CLVS1: variants seen among roughly 807,000 people sequenced by gnomAD.
CLVS1 encodes the protein clavesin-1.
CLVS1 carries 10 observed loss-of-function variants against 33.1 expected under a neutral mutation model. The observed-to-expected ratio is 0.30, with a 90% CI of 0.19 to 0.51. CLVS1 has a LOEUF of 0.51. Ranked by LOEUF, CLVS1 falls within the 20% of genes least tolerant of loss-of-function variation. The probability of loss-of-function intolerance (pLI) is 0.97; values close to 1 mark genes in which losing one functional copy is unlikely to be tolerated. For missense variants in CLVS1, 343 were observed against 433.4 expected, an observed-to-expected ratio of 0.79 and a Z score of 1.85; for synonymous variants, 163 against 166.1, an observed-to-expected ratio of 0.98 and a Z score of 0.14.
intron 1 of CLVS1, among the ~76,000 whole-genome samples, chr8:61,066,386 T>C (rs940622862): frequency 2.6e-5 from 4 of 152,120 alleles, no homozygotes; most frequent in African/African-American, 9.7e-5. Flanking sequence ...TAGTCCTAGC[T>C]ACTTGGAGGG....
At chr8:61,149,012 C>A (rs570781456) in intron 2 of CLVS1, among the ~76,000 whole-genome samples, 5 of 152,138 alleles carry the variant, frequency 3.3e-5, no homozygotes, top group Admixed American at 3.3e-4. Context: ...AAAAGCAGCC[C>A]CTCCCAGGCA....
At chr8:61,110,849 T>C (rs1805612834) in intron 1 of CLVS1, among the ~76,000 whole-genome samples, 1 of 152,240 alleles carries the variant, frequency 6.6e-6, no homozygotes, top group Non-Finnish European at 1.5e-5. Context: ...TCAATGTTCA[T>C]CCATGTTGTA....
chr8:61,396,835 T>A (rs772552164), intron 3 of CLVS1, among the ~76,000 whole-genome samples: 1 of 152,198 alleles, frequency 6.6e-6, no homozygotes, highest in Non-Finnish European at 1.5e-5. Context: ...GCATAATGTT[T>A]TCAAGGTGAT....
At chr8:61,224,894 A>G (rs1225470573) in intron 2 of CLVS1, among the ~76,000 whole-genome samples, 1 of 152,242 alleles carries the variant, frequency 6.6e-6, no homozygotes, top group Non-Finnish European at 1.5e-5. Context: ...TCTCACAATA[A>G]TAATGGGAGA....
intron 3 of CLVS1, among the ~76,000 whole-genome samples, chr8:61,405,528 C>G (rs1328378208): frequency 6.6e-6 from 1 of 152,122 alleles, no homozygotes; most frequent in African/African-American, 2.4e-5. Flanking sequence ...AATCTCAGCA[C>G]TTTGAGAGGC....
chr8:61,250,389 T>G (rs878898783), intron 2 of CLVS1, among the ~76,000 whole-genome samples: 1 of 152,236 alleles, frequency 6.6e-6, no homozygotes, highest in Non-Finnish European at 1.5e-5. Flanking sequence ...TAGGATTATC[T>G]TGGCAATGTG....
intron 1 of CLVS1, among the ~76,000 whole-genome samples, chr8:61,066,652 C>T (rs1355359234): frequency 6.6e-6 from 1 of 152,178 alleles, no homozygotes; most frequent in African/African-American, 2.4e-5. Flanking sequence ...TCCAGAATGC[C>T]CCTGTGGGTC....
upstream of CLVS1, among the ~76,000 whole-genome samples, chr8:61,285,561 TA>T (rs1004054094): frequency 6.6e-6 from 1 of 152,210 alleles, no homozygotes; most frequent in Non-Finnish European, 1.5e-5. Flanking sequence ...GGCCTGCTTA[TA>T]AGCATCTTTT....
intron 5 of CLVS1, among the ~76,000 whole-genome samples, chr8:61,471,842 C>G (rs1817748009): frequency 6.6e-6 from 1 of 152,210 alleles, no homozygotes. Flanking sequence ...AAACTGTTAT[C>G]CCTGTGGTCT....
At chr8:61,005,178 C>A in the CLVS1 span, among the ~76,000 whole-genome samples, 370 of 152,318 alleles carry the variant, frequency 2.4e-3, 2 homozygotes, top group Non-Finnish European at 3.7e-3. Flanking sequence ...GAGTAGATTG[C>A]GGATTGATTC....
intron 5 of CLVS1, among the ~76,000 whole-genome samples, chr8:61,458,874 G>A (rs921806750): frequency 6.6e-6 from 1 of 152,146 alleles, no homozygotes; most frequent in Admixed American, 6.5e-5. Flanking sequence ...AAAACAACCT[G>A]CTAAAAAATG....
chr8:61,021,517 AT>A, the CLVS1 span, among the ~76,000 whole-genome samples: 7,856 of 141,550 alleles, frequency 0.055, 213 homozygotes, highest in African/African-American at 0.094. Context: ...TGACTGGCTA[AT>A]TTTTTTTTTT....
chr8:61,039,661 C>T, the CLVS1 span, among the ~76,000 whole-genome samples: 1 of 152,104 alleles, frequency 6.6e-6, no homozygotes, highest in African/African-American at 2.4e-5. Flanking sequence ...CTGCCTCAGC[C>T]TCCTGAGTAG....
At chr8:61,327,212 T>C (rs951223082) in intron 2 of CLVS1, among the ~76,000 whole-genome samples, 6 of 152,186 alleles carry the variant, frequency 3.9e-5, no homozygotes, top group African/African-American at 1.2e-4. Flanking sequence ...TACATATATA[T>C]TGCAATACAT....
chr8:61,335,293 C>G (rs926602760), intron 2 of CLVS1, among the ~76,000 whole-genome samples: 1 of 152,200 alleles, frequency 6.6e-6, no homozygotes, highest in African/African-American at 2.4e-5. Context: ...AGAAGGAGGA[C>G]TGCTTTGGGA....
intron 1 of CLVS1, among the ~76,000 whole-genome samples, chr8:61,084,400 C>T (rs1000943623): frequency 5.3e-5 from 8 of 152,092 alleles, no homozygotes; most frequent in East Asian, 1.9e-4. Context: ...CCTCCCCTCC[C>T]GTGTTGTCCT....
At chr8:61,267,438 C>T (rs1809333613) in intron 2 of CLVS1, among the ~76,000 whole-genome samples, 1 of 152,142 alleles carries the variant, frequency 6.6e-6, no homozygotes, top group East Asian at 1.9e-4. Flanking sequence ...CCAATACATA[C>T]ACACATCTAT....
At chr8:60,991,912 A>G in the CLVS1 span, among the ~76,000 whole-genome samples, 4 of 151,684 alleles carry the variant, frequency 2.6e-5, no homozygotes, top group Non-Finnish European at 4.4e-5. Context: ...GCACCCAGCT[A>G]ATTTTTGTAT....
the CLVS1 span, among the ~76,000 whole-genome samples, chr8:60,967,296 C>T: frequency 2.0e-5 from 3 of 152,108 alleles, no homozygotes; most frequent in East Asian, 5.8e-4. Flanking sequence ...ATAATGAATG[C>T]CCAAACTGTG....
Sources: gnomAD v4.1 joint callset for allele counts (sites outside exome capture counted in the v4.1 genomes callset) on GRCh38, gnomAD v4.1.1 for gene constraint, MANE v1.5 for transcripts, NCBI Gene and HGNC (gene_info 2026-07-23, HGNC 2026-07-21) for gene names.